The following BNC2 variants were observed in gnomAD, a reference collection of about 807,000 sequenced individuals.
BNC2 encodes the protein zinc finger protein basonuclin-2.
A neutral mutation model predicts 76.3 loss-of-function variants in BNC2; 20 were observed. The ratio of observed to expected loss-of-function variants is 0.26; its 90% CI spans 0.18 to 0.38. The LOEUF is 0.38. BNC2 is among the 10% of genes least tolerant of loss of function. The pLI is 1.00. For synonymous variants in BNC2, 582 were observed against 514.8 expected (o/e 1.13, Z -1.77); for missense variants, 1,382 against 1,399.8 (o/e 0.99, Z 0.20).
intron 3 of BNC2, among the ~76,000 whole-genome samples, chr9:16,678,317 C>T (rs1186132941): frequency 1.9e-4 from 21 of 108,932 alleles, no homozygotes; most frequent in Admixed American, 2.9e-4. Flanking sequence ...CTTGCTCTGT[C>T]GCCCAGGCTG....
chr9:16,615,142 A>T (rs376917185), intron 3 of BNC2, among the ~76,000 whole-genome samples: 1 of 152,124 alleles, frequency 6.6e-6, no homozygotes, highest in Non-Finnish European at 1.5e-5. Flanking sequence ...TAAACCCATT[A>T]TTATTGCCAT....
At chr9:16,506,037 G>C (rs780984481) in intron 5 of BNC2, among the ~76,000 whole-genome samples, 9 of 152,162 alleles carry the variant, frequency 5.9e-5, no homozygotes, top group Non-Finnish European at 1.0e-4. Context: ...AGTAAGAAGT[G>C]GACTCTGAAA....
intron 1 of BNC2, among the ~76,000 whole-genome samples, chr9:16,777,124 C>G (rs563226139): frequency 2.0e-5 from 3 of 150,640 alleles, no homozygotes; most frequent in African/African-American, 7.3e-5. Flanking sequence ...AGACTCCTGT[C>G]TCAAAAAAAA....
At chr9:16,566,841 T>A (rs76775164) in intron 4 of BNC2, among the ~76,000 whole-genome samples, 4,300 of 152,204 alleles carry the variant, frequency 0.028, 103 homozygotes, top group South Asian at 0.12. Context: ...GTAAAAGACC[T>A]GGAGGAAAAA....
In BNC2 at chr9:16,607,004, G is replaced by C. The variant is rs533823503; in HGVS notation, c.331-23919C>G. 2.0e-5 allele frequency among the ~76,000 whole-genome samples: 3 copies of C among 152,314 alleles called. No homozygotes were observed. In the South Asian group the frequency reaches 6.2e-4, roughly 32 times the overall value. On this transcript the variant is annotated intron_variant, in intron 3 of 6. Transcript: ENST00000380672. ...ACTCTGTCACCCAGGCTGGAGTGCA[G>C]TGGTGTGACCACAGCTCACTGCAGC...
chr9:16,459,272 T>C (rs1821522291), intron 5 of BNC2, among the ~76,000 whole-genome samples: 1 of 152,186 alleles, frequency 6.6e-6, no homozygotes, highest in Admixed American at 6.5e-5. Context: ...AAGAGTTTCA[T>C]GCTCACATGT....
At chr9:16,599,865 C>T (rs139834460) in intron 3 of BNC2, among the ~76,000 whole-genome samples, 280 of 152,336 alleles carry the variant, frequency 1.8e-3, no homozygotes, top group Non-Finnish European at 3.1e-3. Context: ...AGCGCATGCC[C>T]ATGTGTTGTG....
In BNC2 at chr9:16,691,711, A is replaced by G. The variant is rs557102886; in HGVS notation, c.330+36086T>C. On this transcript the variant is annotated intron_variant, in intron 3 of 6. Coordinates refer to ENST00000380672, the MANE Select transcript of BNC2 (RefSeq NM_017637.6). ...TTTTTAATAGAGATGGGGTTTCACC[A>G]CGTTAGCCAGGATGGTCTCGATCTC... is the stretch of plus-strand genomic sequence containing the variant. Among the ~76,000 whole-genome samples, 3 of 151,540 alleles carry G rather than the reference A, an allele frequency of 2.0e-5. No homozygotes were observed. The East Asian group carries it at 5.9e-4, about 30-fold the overall frequency.
Position 16,703,840 on chromosome 9 carries a change from A to G in BNC2, c.330+23957T>C, listed in dbSNP as rs542651799. On this transcript the variant is annotated intron_variant, in intron 3 of 6. Coordinates refer to ENST00000380672, the MANE Select transcript of BNC2 (RefSeq NM_017637.6). ...ACTGATAATGTATCAATGGAAAAGT[A>G]ACTTAGCAGCTCTCCAAGTTTTTTC... 1.4e-4 allele frequency among the ~76,000 whole-genome samples: 22 copies of G among 152,322 alleles called. No individual in the cohort carries two copies. The South Asian group carries it at 3.5e-3, about 24-fold the overall frequency.
At chr9:16,676,715 C>T (rs1587304683) in intron 3 of BNC2, among the ~76,000 whole-genome samples, 1 of 152,318 alleles carries the variant, frequency 6.6e-6, no homozygotes, top group South Asian at 2.1e-4. Flanking sequence ...GCTAAGTTAA[C>T]CGCAGCAGCG....
intron 1 of BNC2, among the ~76,000 whole-genome samples, chr9:16,809,646 C>T (rs371633484): frequency 2.6e-5 from 4 of 151,920 alleles, no homozygotes; most frequent in Non-Finnish European, 5.9e-5. Context: ...GGTGTGGTGG[C>T]GCGTGCCTGT....
chr9:16,609,397 T>C (rs1820476431), intron 3 of BNC2, among the ~76,000 whole-genome samples: 1 of 152,126 alleles, frequency 6.6e-6, no homozygotes, highest in Non-Finnish European at 1.5e-5. Context: ...TCTTGCTTCA[T>C]GGAGGTGAAC....
At chr9:16,745,901 T>TAA (rs1185136853) in intron 1 of BNC2, among the ~76,000 whole-genome samples, 3 of 152,206 alleles carry the variant, frequency 2.0e-5, no homozygotes, top group African/African-American at 7.2e-5. Flanking sequence ...ATATTTGCTT[T>TAA]AACTAGGGGA....
intron 1 of BNC2, among the ~76,000 whole-genome samples, chr9:16,782,731 G>A (rs1282235451): frequency 1.3e-5 from 2 of 152,112 alleles, no homozygotes; most frequent in African/African-American, 4.8e-5. Context: ...GTGGTTGCCT[G>A]GTTTCATATT....
rs1185963606 is a variant in BNC2, at chr9:16,415,606, C to T, written c.*3383G>A. On this transcript the variant is annotated 3_prime_UTR_variant, in exon 7 of 7. Coordinates refer to ENST00000380672, the MANE Select transcript of BNC2 (RefSeq NM_017637.6). ...TGAGCTCCATGACTAAAACGCTGATCTCTTTATCCTTCCTGTTTGCAAATA... is the reference window on the plus strand; with the variant it reads ...TGAGCTCCATGACTAAAACGCTGATTTCTTTATCCTTCCTGTTTGCAAATA... The T allele has an allele frequency of 6.6e-6, 1 of 152,194 alleles. No homozygotes were observed. The highest frequency in any genetic ancestry group is 1.5e-5 in the Non-Finnish European group (1 of 68,046). 9.4% of individuals were successfully genotyped at this position (152,194 alleles called of 1,614,324 possible).
intron 1 of BNC2, among the ~76,000 whole-genome samples, chr9:16,803,233 T>G (rs1280869768): frequency 1.3e-5 from 2 of 152,210 alleles, no homozygotes; most frequent in Admixed American, 6.5e-5. Flanking sequence ...AAATCATCAG[T>G]GCCAAAACAT....
intron 1 of BNC2, among the ~76,000 whole-genome samples, chr9:16,741,188 ACT>A (rs1379056802): frequency 1.3e-5 from 2 of 151,980 alleles, no homozygotes; most frequent in African/African-American, 4.8e-5. Flanking sequence ...GTAAAATGAA[ACT>A]CTGCTATAAT....
At chr9:16,542,734 T>G (rs975717744) in intron 5 of BNC2, among the ~76,000 whole-genome samples, 1 of 152,194 alleles carries the variant, frequency 6.6e-6, no homozygotes, top group African/African-American at 2.4e-5. Context: ...CCACATTTTG[T>G]TTTACACTTC....
rs566229191 is a variant in BNC2 at position 16,717,252 on chromosome 9, A to C, written c.330+10545T>G. Among the ~76,000 whole-genome samples the C allele has an allele frequency of 6.6e-5, 10 of 152,324 alleles. No homozygotes were observed. In the South Asian group the frequency reaches 2.1e-3, roughly 32 times the overall value. On this transcript the variant is annotated intron_variant, in intron 3 of 6. Transcript: ENST00000380672. ...ATAGGATGACCTGCATATAAAGGGCACTGAACCAGTGTTCACATTACTTTC... is the reference window on the plus strand; with the variant it reads ...ATAGGATGACCTGCATATAAAGGGCCCTGAACCAGTGTTCACATTACTTTC...
Sources: gnomAD v4.1 joint callset for allele counts (sites outside exome capture counted in the v4.1 genomes callset) on GRCh38, gnomAD v4.1.1 for gene constraint, MANE v1.5 for transcripts, NCBI Gene and HGNC (gene_info 2026-07-23, HGNC 2026-07-21) for gene names.